The following ITPR2 variants were observed in gnomAD, a reference collection of about 807,000 sequenced individuals.
The protein encoded by ITPR2 is inositol 1,4,5-trisphosphate-gated calcium channel ITPR2.
ITPR2 carries 207 observed loss-of-function variants against 317.1 expected under a neutral mutation model. That is an observed-to-expected ratio of 0.65 (90% CI 0.58 to 0.73). The LOEUF (loss-of-function observed/expected upper bound fraction) is 0.73, where lower values mean the gene tolerates loss of function less well. Among genes scored for constraint, ITPR2 ranks in the 30% least tolerant of loss-of-function variants. The pLI, the probability that ITPR2 is intolerant of heterozygous loss-of-function variation, is 0.00. For missense variants in ITPR2, 2,613 were observed against 3,284.0 expected, an observed-to-expected ratio of 0.80 and a Z score of 4.99; for synonymous variants, 1,156 against 1,149.1, an observed-to-expected ratio of 1.01 and a Z score of -0.12.
At chr12:26,477,567 T>C (rs1210500955) in intron 43 of ITPR2, among the ~76,000 whole-genome samples, 1 of 152,150 alleles carries the variant, frequency 6.6e-6, no homozygotes, top group Admixed American at 6.5e-5. Flanking sequence ...CTAGTCTCAC[T>C]ATATGGCAGG....
intron 26 of ITPR2, among the ~76,000 whole-genome samples, chr12:26,613,828 G>A (rs1047236274): frequency 6.6e-6 from 1 of 152,098 alleles, no homozygotes; most frequent in Non-Finnish European, 1.5e-5. Context: ...CTCAAGACTG[G>A]GGACCAGAAT....
intron 13 of ITPR2, among the ~76,000 whole-genome samples, chr12:26,670,868 C>G (rs1947751807): frequency 6.6e-6 from 1 of 152,198 alleles, no homozygotes; most frequent in Non-Finnish European, 1.5e-5. Context: ...AGCGATGGAG[C>G]TGAAAGCCAA....
chr12:26,828,411 A>G (rs566447244), intron 1 of ITPR2, among the ~76,000 whole-genome samples: 1 of 152,240 alleles, frequency 6.6e-6, no homozygotes, highest in African/African-American at 2.4e-5. Context: ...TGGCACAGAC[A>G]TATGTTCCCA....
intron 1 of ITPR2, among the ~76,000 whole-genome samples, chr12:26,808,716 C>T (rs1212620274): frequency 6.6e-6 from 1 of 152,152 alleles, no homozygotes; most frequent in Non-Finnish European, 1.5e-5. Flanking sequence ...TTCTCAGACT[C>T]TTAAAGGCAC....
intron 45 of ITPR2, among the ~76,000 whole-genome samples, chr12:26,457,704 G>T (rs1396553777): frequency 6.6e-6 from 1 of 152,180 alleles, no homozygotes; most frequent in Non-Finnish European, 1.5e-5. Flanking sequence ...TAGAGGGTGG[G>T]ACTGTACAGT....
chr12:26,345,810 G>A (rs1938289506), intron 55 of ITPR2, among the ~76,000 whole-genome samples: 1 of 152,224 alleles, frequency 6.6e-6, no homozygotes, highest in Non-Finnish European at 1.5e-5. Context: ...ACACAGAGAA[G>A]ATACTAGTTA....
chr12:26,380,004 A>G (rs936801319), intron 55 of ITPR2, among the ~76,000 whole-genome samples: 1 of 152,230 alleles, frequency 6.6e-6, no homozygotes, highest in African/African-American at 2.4e-5. Context: ...TTCAGGAAGT[A>G]ACCTAGAACA....
At chr12:26,827,272 A>C (rs1372338665) in intron 1 of ITPR2, among the ~76,000 whole-genome samples, 1 of 95,050 alleles carries the variant, frequency 1.1e-5, no homozygotes, top group Non-Finnish European at 2.8e-5. Context: ...TTACACGGAG[A>C]AAAGAACAAT....
chr12:26,605,126 A>AAAAAAAAAAAATATATATATATATATAT (rs1555165395), intron 26 of ITPR2, among the ~76,000 whole-genome samples: 33 of 136,302 alleles, frequency 2.4e-4, no homozygotes, highest in Middle Eastern at 8.1e-3. Flanking sequence ...AAAAAATAAA[A>AAAAAAAAAAAATATATATATATATATAT]ATATATATAT....
At chr12:26,630,110 A>C (rs1946714974) in intron 22 of ITPR2, among the ~76,000 whole-genome samples, 1 of 152,210 alleles carries the variant, frequency 6.6e-6, no homozygotes, top group Admixed American at 6.5e-5. Context: ...AGCAGAAGGC[A>C]GGGGGCAGAG....
At chr12:26,749,486 C>G (rs1243759734) in intron 2 of ITPR2, among the ~76,000 whole-genome samples, 2 of 152,074 alleles carry the variant, frequency 1.3e-5, no homozygotes, top group East Asian at 3.8e-4. Context: ...CATTCACCAC[C>G]AGCTCCTGAT....
intron 35 of ITPR2, among the ~76,000 whole-genome samples, chr12:26,560,353 C>T (rs188021710): frequency 1.3e-3 from 199 of 152,264 alleles, no homozygotes; most frequent in Non-Finnish European, 2.3e-3. Context: ...ACTATCCTTG[C>T]TCCAACTATT....
intron 2 of ITPR2, among the ~76,000 whole-genome samples, chr12:26,754,697 T>A (rs1306972374): frequency 6.6e-6 from 1 of 152,206 alleles, no homozygotes; most frequent in African/African-American, 2.4e-5. Context: ...GAAAAATTAA[T>A]CTTGTAAAAC....
At chr12:26,507,002 AT>A (rs922930538) in intron 37 of ITPR2, among the ~76,000 whole-genome samples, 1 of 152,198 alleles carries the variant, frequency 6.6e-6, no homozygotes, top group Non-Finnish European at 1.5e-5. Context: ...AAATCATTTC[AT>A]TTCTTTAGTG....
chr12:26,525,038 G>A (rs1055515419), intron 37 of ITPR2, among the ~76,000 whole-genome samples: 2 of 152,196 alleles, frequency 1.3e-5, no homozygotes, highest in African/African-American at 4.8e-5. Flanking sequence ...TAAGTCATTG[G>A]TGAGAGGATG....
intron 48 of ITPR2, among the ~76,000 whole-genome samples, chr12:26,429,898 T>C (rs549148588): frequency 4.6e-5 from 7 of 152,356 alleles, no homozygotes; most frequent in South Asian, 4.1e-4. Context: ...ACTCTTATTC[T>C]AGAATAATTT....
intron 2 of ITPR2, among the ~76,000 whole-genome samples, chr12:26,740,468 C>T (rs61920162): frequency 0.17 from 26,533 of 152,118 alleles, 2,874 homozygotes; most frequent in Non-Finnish European, 0.24. Flanking sequence ...AAGAGGAAGG[C>T]AGATCAACAT....
At chr12:26,820,475 C>T (rs2137290980) in intron 1 of ITPR2, among the ~76,000 whole-genome samples, 1 of 152,060 alleles carries the variant, frequency 6.6e-6, no homozygotes, top group Non-Finnish European at 1.5e-5. Context: ...AGATGATACA[C>T]AATGGATACA....
At chr12:26,819,127 A>G (rs1950901840) in intron 1 of ITPR2, among the ~76,000 whole-genome samples, 1 of 152,170 alleles carries the variant, frequency 6.6e-6, no homozygotes, top group Admixed American at 6.5e-5. Flanking sequence ...TATGTGTTTT[A>G]TTTTTCAAGT....
Sources: gnomAD v4.1 joint callset for allele counts (sites outside exome capture counted in the v4.1 genomes callset) on GRCh38, gnomAD v4.1.1 for gene constraint, MANE v1.5 for transcripts, NCBI Gene and HGNC (gene_info 2026-07-23, HGNC 2026-07-21) for gene names.